Variants in SLC14A2 observed in about 807,000 individuals in gnomAD.
SLC14A2 encodes solute carrier family 14 member 2, also known as urea transporter 2.
SLC14A2 carries 91 observed loss-of-function variants against 104.6 expected under a neutral mutation model. The observed-to-expected ratio is 0.87, with a 90% confidence interval of 0.73 to 1.04. The LOEUF (loss-of-function observed/expected upper bound fraction) is 1.04, where lower values mean the gene tolerates loss of function less well. Ranked by LOEUF, SLC14A2 falls within the 50% of genes least tolerant of loss-of-function variation. The pLI, the probability that SLC14A2 is intolerant of heterozygous loss-of-function variation, is 0.00. For missense variants in SLC14A2, 1,189 were observed against 1,156.0 expected (o/e 1.03, Z -0.41); for synonymous variants, 476 against 466.4 (o/e 1.02, Z -0.27).
At chr18:45,661,436 C>T (rs553542570) in intron 10 of SLC14A2, among the ~76,000 whole-genome samples, 7 of 152,290 alleles carry the variant, frequency 4.6e-5, no homozygotes, top group African/African-American at 1.7e-4. Context: ...TTTCTTGCAC[C>T]AAACAGGTCT....
intron 1 of SLC14A2, among the ~76,000 whole-genome samples, chr18:45,328,823 A>G (rs1188844015): frequency 2.6e-5 from 4 of 152,228 alleles, no homozygotes; most frequent in Non-Finnish European, 5.9e-5. Flanking sequence ...TATTTTTCTT[A>G]TAATACGTTC....
chr18:45,586,273 A>T (rs2044566087), intron 2 of SLC14A2, among the ~76,000 whole-genome samples: 1 of 152,164 alleles, frequency 6.6e-6, no homozygotes, highest in Non-Finnish European at 1.5e-5. Flanking sequence ...CCACACCCGG[A>T]AACAATCAGT....
intron 6 of SLC14A2, among the ~76,000 whole-genome samples, chr18:45,638,272 T>C (rs1183466613): frequency 6.6e-6 from 1 of 152,194 alleles, no homozygotes; most frequent in Non-Finnish European, 1.5e-5. Flanking sequence ...TCCCTTGCCA[T>C]TCCTTTCGCA....
At chr18:45,171,004 A>G in the SLC14A2 span, among the ~76,000 whole-genome samples, 1 of 147,966 alleles carries the variant, frequency 6.8e-6, no homozygotes, top group East Asian at 1.9e-4. Context: ...AAAATGATGA[A>G]TAATAATGTA....
intron 1 of SLC14A2, among the ~76,000 whole-genome samples, chr18:45,264,169 C>T (rs2084568311): frequency 6.6e-6 from 1 of 152,178 alleles, no homozygotes; most frequent in Middle Eastern, 3.2e-3. Context: ...TTCATACTGA[C>T]TCCTCTGATT....
At chr18:45,398,831 A>G (rs1445124470) in intron 1 of SLC14A2, among the ~76,000 whole-genome samples, 1 of 152,128 alleles carries the variant, frequency 6.6e-6, no homozygotes, top group Non-Finnish European at 1.5e-5. Flanking sequence ...AAGTGTAGAG[A>G]GAGAATAAAT....
chr18:45,669,421 C>G lies in SLC14A2; in HGVS notation c.2152C>G (p.Leu718Val), dbSNP rs149341098. ...LYLAATGHYN[L>V]FFPTTLLQPA... ...CCTGGCAGCCACGGGCCACTACAAC[C>G]TTTTCTTCCCCACAACGCTGCTGCA... is the stretch of plus-strand genomic sequence containing the variant. Residue 718 changes from leucine to valine, a missense_variant, in exon 16 of 20, where the codon CTT (leucine) becomes GTT (valine). Transcript: ENST00000255226. 4.3e-6 allele frequency: 7 copies of G among 1,614,162 alleles called. No homozygotes were observed. The highest frequency in any genetic ancestry group is 5.9e-6 in the Non-Finnish European group (7 of 1,180,004).
intron 2 of SLC14A2, among the ~76,000 whole-genome samples, chr18:45,536,491 G>T (rs1002029514): frequency 6.6e-6 from 1 of 152,154 alleles, no homozygotes; most frequent in African/African-American, 2.4e-5. Flanking sequence ...GCTTGTGGAT[G>T]CATCACTCTA....
At chr18:45,661,722 T>G (rs1236311818) in intron 10 of SLC14A2, among the ~76,000 whole-genome samples, 1 of 152,204 alleles carries the variant, frequency 6.6e-6, no homozygotes, top group Non-Finnish European at 1.5e-5. Context: ...AGAGGTGCCT[T>G]CCCAGTCTGG....
rs895484912 is a variant in SLC14A2 at position 45,296,322 on chromosome 18, C to A, written c.-125+83131C>A. Among the ~76,000 whole-genome samples the A allele has an allele frequency of 5.3e-4, 80 of 152,158 alleles. 1 individual carries two copies. The highest frequency in any genetic ancestry group is 1.3e-4 in the Non-Finnish European group (9 of 68,034). On this transcript the variant is annotated intron_variant, in intron 1 of 20. Coordinates refer to the SLC14A2 transcript ENST00000586448. ...GGTATAAATGTAGGAAAGAACAGTT[C>A]TTGCCTTCCAAAGACCCTAAAACTT...
At chr18:45,336,387 T>C (rs1280915753) in intron 1 of SLC14A2, among the ~76,000 whole-genome samples, 1 of 151,776 alleles carries the variant, frequency 6.6e-6, no homozygotes, top group Non-Finnish European at 1.5e-5. Context: ...AACATCAGCC[T>C]GCCATAGTTA....
At chr18:45,170,345 T>G in the SLC14A2 span, among the ~76,000 whole-genome samples, 1 of 151,946 alleles carries the variant, frequency 6.6e-6, no homozygotes, top group Admixed American at 6.6e-5. Context: ...CTTTGGGAAA[T>G]GTTGAGTAAT....
chr18:45,641,609 C>T (rs1439439712), intron 8 of SLC14A2, among the ~76,000 whole-genome samples: 1 of 152,222 alleles, frequency 6.6e-6, no homozygotes, highest in South Asian at 2.1e-4. Context: ...TCCTTGTGTG[C>T]TAATGACAGC....
At chr18:45,375,365 G>A (rs947842928) in intron 1 of SLC14A2, among the ~76,000 whole-genome samples, 4 of 152,130 alleles carry the variant, frequency 2.6e-5, no homozygotes, top group African/African-American at 9.7e-5. Context: ...GCATGGGATG[G>A]ATCAGCTGGC....
chr18:45,421,504 A>C (rs1456074045), intron 1 of SLC14A2, among the ~76,000 whole-genome samples: 1 of 152,218 alleles, frequency 6.6e-6, no homozygotes, highest in Non-Finnish European at 1.5e-5. Flanking sequence ...CTAAGGGTTC[A>C]TCAGAACATC....
At chr18:45,263,556 C>T (rs1004028714) in intron 1 of SLC14A2, among the ~76,000 whole-genome samples, 3 of 152,106 alleles carry the variant, frequency 2.0e-5, no homozygotes, top group Non-Finnish European at 4.4e-5. Context: ...CTTGCCTGTA[C>T]CAATTCTAAT....
rs531366886 is a variant in SLC14A2 at position 45,414,744 on chromosome 18, TAA to T, written c.-124-68476_-124-68475del. Among the ~76,000 whole-genome samples the T allele has an allele frequency of 2.0e-3, 104 of 52,318 alleles. 2 individuals are homozygous for T. The highest frequency in any genetic ancestry group is 4.1e-3 in the African/African-American group (35 of 8,518). 34.3% of individuals were successfully genotyped at this position (52,318 alleles called of 152,430 possible). The stretch of plus-strand genomic sequence containing the variant: ...CAGGTGCGGTGCAAGGCACCGAGCG[TAA>T]AAAAAAAAAAAATATATATATATAT... On this transcript the variant is annotated intron_variant, in intron 1 of 20. Transcript: ENST00000586448.
chr18:45,595,297 G>GATAGT (rs142820319), intron 2 of SLC14A2, among the ~76,000 whole-genome samples: 12,184 of 152,138 alleles, frequency 0.08, 656 homozygotes, highest in Non-Finnish European at 0.12. Flanking sequence ...AGGAATTAAT[G>GATAGT]ATAGTTAACA....
chr18:45,381,985 T>C (rs969163834), intron 1 of SLC14A2, among the ~76,000 whole-genome samples: 1 of 152,130 alleles, frequency 6.6e-6, no homozygotes, highest in Non-Finnish European at 1.5e-5. Flanking sequence ...ACATGCAGTT[T>C]ATATAACATT....
Sources: gnomAD v4.1 joint callset for allele counts (sites outside exome capture counted in the v4.1 genomes callset) on GRCh38, gnomAD v4.1.1 for gene constraint, MANE v1.5 for transcripts, NCBI Gene and HGNC (gene_info 2026-07-23, HGNC 2026-07-21) for gene names.